Variants in USP22 observed in about 807,000 individuals in gnomAD.
USP22 encodes the protein ubiquitin carboxyl-terminal hydrolase 22.
USP22 carries 22 observed loss-of-function variants against 68.1 expected under a neutral mutation model. The ratio of observed to expected loss-of-function variants is 0.32; its 90% CI spans 0.23 to 0.46. USP22 has a LOEUF of 0.46. Ranked by LOEUF, USP22 falls within the 20% of genes least tolerant of loss-of-function variation. USP22 has a pLI of 1.00. For missense variants in USP22, 433 were observed against 695.8 expected, an observed-to-expected ratio of 0.62 and a Z score of 4.25; for synonymous variants, 279 against 274.2, an observed-to-expected ratio of 1.02 and a Z score of -0.17.
intron 1 of USP22, 87 bp downstream of exon 1, chr17:21,042,578 G>A (rs1386718899): frequency 6.6e-6 from 8 of 1,218,646 alleles, no homozygotes; most frequent in Admixed American, 4.2e-5. Context: ...GGGAAGGGAA[G>A]AGGGCAGGAA....
At chr17:21,022,941 A>G (rs1439502469) in intron 2 of USP22, among the ~76,000 whole-genome samples, 1 of 152,246 alleles carries the variant, frequency 6.6e-6, no homozygotes, top group Non-Finnish European at 1.5e-5. Flanking sequence ...AATGCTCACC[A>G]ATGGTGGACT....
intron 2 of USP22, among the ~76,000 whole-genome samples, chr17:21,022,460 T>C (rs77756716): frequency 1.3e-5 from 2 of 152,238 alleles, no homozygotes; most frequent in East Asian, 3.8e-4. Flanking sequence ...GATAAAGTCC[T>C]CTGAGTGCCT....
intron 1 of USP22, among the ~76,000 whole-genome samples, chr17:21,031,133 A>G (rs1972285211): frequency 6.6e-6 from 1 of 152,234 alleles, no homozygotes; most frequent in Non-Finnish European, 1.5e-5. Context: ...AAATAAATGG[A>G]TAGAAGACAA....
In USP22 at chr17:21,011,321, G is replaced by A; in HGVS notation, c.945-12C>T. ...TGGTGGAGACTCCACTGGAAGCAGA[G>A]GGAAAACAATGGCTGTGAGGACTGA... On this transcript the variant is annotated splice_polypyrimidine_tract_variant and intron_variant, in intron 7 of 12. Transcript: ENST00000261497. 1 of 1,552,904 alleles carries A rather than the reference G, an allele frequency of 6.4e-7. No homozygotes were observed.
chr17:21,038,155 G>A (rs1481666040), intron 1 of USP22, among the ~76,000 whole-genome samples: 1 of 152,104 alleles, frequency 6.6e-6, no homozygotes, highest in Non-Finnish European at 1.5e-5. Context: ...TCCCAGCACT[G>A]TGGGAGGCCG....
chr17:21,009,887 G>A (rs1913896394), intron 8 of USP22, among the ~76,000 whole-genome samples: 1 of 151,992 alleles, frequency 6.6e-6, no homozygotes, highest in Non-Finnish European at 1.5e-5. Flanking sequence ...CCTGGGAGGT[G>A]GAGGTTGCAG....
intron 8 of USP22, among the ~76,000 whole-genome samples, chr17:21,008,928 C>T (rs1407702729): frequency 6.6e-6 from 1 of 151,788 alleles, no homozygotes; most frequent in Non-Finnish European, 1.5e-5. Flanking sequence ...TCCGTCTGTA[C>T]TAAAAATACA....
chr17:21,042,600 C>T (rs1220702354), intron 1 of USP22, 65 bp downstream of exon 1: 7 of 1,257,188 alleles, frequency 5.6e-6, no homozygotes, highest in African/African-American at 1.6e-5. Context: ...AGGGCCCCTC[C>T]GCCGGCCGGC....
chr17:21,040,602 G>C (rs552743798), intron 1 of USP22, among the ~76,000 whole-genome samples: 1 of 149,448 alleles, frequency 6.7e-6, no homozygotes, highest in Admixed American at 6.6e-5. Context: ...CATAAGTAGC[G>C]CAAAAAAAAA....
At chr17:21,039,334 T>A (rs557053914) in intron 1 of USP22, among the ~76,000 whole-genome samples, 5 of 151,494 alleles carry the variant, frequency 3.3e-5, no homozygotes, top group Non-Finnish European at 7.4e-5. Flanking sequence ...TCCCAGCACT[T>A]TGGGAGGCCA....
At chr17:21,021,375 A>T (rs1972154578) in intron 2 of USP22, 149 bp from the exon 3 acceptor site, 1 of 629,122 alleles carries the variant, frequency 1.6e-6, no homozygotes, top group South Asian at 1.8e-5. Context: ...AGTCCAGCGG[A>T]GTCTCCTATC....
chr17:21,027,029 T>G (rs1386023780), intron 2 of USP22, among the ~76,000 whole-genome samples: 1 of 151,506 alleles, frequency 6.6e-6, no homozygotes, highest in Non-Finnish European at 1.5e-5. Flanking sequence ...GGTCTCGATC[T>G]CCAGTCTGCC....
chr17:21,043,123 A>ACACCCCCCC (rs1972466791), upstream of USP22: 1 of 18,886 alleles, frequency 5.3e-5, no homozygotes, highest in Non-Finnish European at 1.1e-4. Flanking sequence ...AGATTACGTC[A>ACACCCCCCC]CCCCCCCCCC....
chr17:21,009,972 T>TAAA (rs1555589967), intron 8 of USP22, among the ~76,000 whole-genome samples: 3,000 of 142,486 alleles, frequency 0.021, 101 homozygotes, highest in African/African-American at 0.064. Context: ...AAAAAAAAAT[T>TAAA]AAAAAAAAAA....
At chr17:21,004,803 G>A (rs1913728539) in intron 11 of USP22, 125 bp downstream of exon 11, 6 of 511,636 alleles carry the variant, frequency 1.2e-5, no homozygotes, top group Non-Finnish European at 1.9e-5. Context: ...GTGGAGCTGC[G>A]GGCAGCCAAG....
At chr17:21,012,978 A>G in intron 6 of USP22, 43 bp from the exon 7 acceptor site, 1 of 1,555,216 alleles carries the variant, frequency 6.4e-7, no homozygotes, top group Non-Finnish European at 8.9e-7. Context: ...CTCCCCAAAT[A>G]TGGGGAGTCT....
chr17:21,023,644 CAAAA>C (rs57776078), intron 2 of USP22, among the ~76,000 whole-genome samples: 13 of 106,954 alleles, frequency 1.2e-4, no homozygotes, highest in Non-Finnish European at 1.1e-4. Context: ...GACTATGTCT[CAAAA>C]AAAAAAAAAA....
At chr17:21,005,614 A>G (rs1913753632) in intron 10 of USP22, among the ~76,000 whole-genome samples, 1 of 152,102 alleles carries the variant, frequency 6.6e-6, no homozygotes. Flanking sequence ...GATGATATGG[A>G]GCTCTGACTC....
rs1255645658 is a variant in USP22, at chr17:21,032,588, G to A, written c.172-3914C>T. Among the ~76,000 whole-genome samples, 11 of 152,226 alleles carry A rather than the reference G, an allele frequency of 7.2e-5. No individual in the cohort carries two copies. In the South Asian group the frequency reaches 1.7e-3, roughly 23 times the overall value. On this transcript the variant is annotated intron_variant, in intron 1 of 12. Coordinates refer to ENST00000261497, the MANE Select transcript of USP22 (RefSeq NM_015276.2). The stretch of plus-strand genomic sequence containing the variant: ...TGTGGTGGTTTGTTACAGCAGGCCC[G>A]GTCACTCACATGGGGTTCACATTCA...
Sources: gnomAD v4.1 joint callset for allele counts (sites outside exome capture counted in the v4.1 genomes callset) on GRCh38, gnomAD v4.1.1 for gene constraint, MANE v1.5 for transcripts, NCBI Gene and HGNC (gene_info 2026-07-23, HGNC 2026-07-21) for gene names.